UBE2D2: variants seen among roughly 807,000 people sequenced by gnomAD.
UBE2D2 encodes ubiquitin conjugating enzyme E2 D2.
Under a neutral mutation model 24.2 loss-of-function variants are expected in UBE2D2, and 2 were observed. The observed-to-expected ratio is 0.08, with a 90% CI of 0.03 to 0.26. The LOEUF (loss-of-function observed/expected upper bound fraction) is 0.26, where lower values mean the gene tolerates loss of function less well. Ranked by LOEUF, UBE2D2 falls within the 10% of genes least tolerant of loss-of-function variation. UBE2D2 has a pLI of 1.00. For missense variants in UBE2D2, 44 were observed against 177.6 expected (o/e 0.25, Z 4.28); for synonymous variants, 58 against 56.5 (o/e 1.03, Z -0.12).
At chr5:139,603,125 A>C (rs1754118059) in intron 2 of UBE2D2, among the ~76,000 whole-genome samples, 1 of 152,172 alleles carries the variant, frequency 6.6e-6, no homozygotes, top group African/African-American at 2.4e-5. Context: ...CACATACATC[A>C]GTGTACTCTT....
chr5:139,531,625 C>CAAAAA (rs112323447), intron 1 of UBE2D2, among the ~76,000 whole-genome samples: 3 of 97,352 alleles, frequency 3.1e-5, no homozygotes, highest in African/African-American at 1.2e-4. Context: ...AGACCCTATC[C>CAAAAA]AAAAAAAAAA....
chr5:139,548,163 C>CAAAAAAAAAAAA (rs749269739), intron 1 of UBE2D2, among the ~76,000 whole-genome samples: 10 of 32,914 alleles, frequency 3.0e-4, no homozygotes, highest in Non-Finnish European at 4.4e-4. Context: ...GACTCCGTCT[C>CAAAAAAAAAAAA]AAAAAAAAAA....
At chr5:139,626,284 G>A (rs1401658224) in intron 6 of UBE2D2, among the ~76,000 whole-genome samples, 1 of 151,986 alleles carries the variant, frequency 6.6e-6, no homozygotes, top group Non-Finnish European at 1.5e-5. Context: ...TGCCCAGGCT[G>A]GTGTGAAACG....
At chr5:139,541,599 CAA>C (rs892398676) in intron 1 of UBE2D2, among the ~76,000 whole-genome samples, 24 of 58,444 alleles carry the variant, frequency 4.1e-4, no homozygotes, top group Non-Finnish European at 4.5e-4. Flanking sequence ...GACTCCATTT[CAA>C]AAAAAAAAAA....
At chr5:139,553,732 A>G (rs1264690817) in intron 1 of UBE2D2, among the ~76,000 whole-genome samples, 1 of 152,136 alleles carries the variant, frequency 6.6e-6, no homozygotes, top group Non-Finnish European at 1.5e-5. Flanking sequence ...CATATATCCA[A>G]TGTACATACA....
chr5:139,566,774 A>G (rs1182608435), intron 1 of UBE2D2, among the ~76,000 whole-genome samples: 1 of 152,132 alleles, frequency 6.6e-6, no homozygotes, highest in Non-Finnish European at 1.5e-5. Context: ...TAGAAAATGC[A>G]TGTGCTATCA....
At chr5:139,562,206 C>T (rs752543621) in intron 1 of UBE2D2, 3 of 1,377,424 alleles carry the variant, frequency 2.2e-6, no homozygotes, top group Non-Finnish European at 2.9e-6. Context: ...AAGGGCTTCT[C>T]GCCCCATTTC....
chr5:139,553,873 A>G (rs261536), intron 1 of UBE2D2, among the ~76,000 whole-genome samples: 152,194 of 152,210 alleles, frequency 1, 76,089 homozygotes, highest in Middle Eastern at 1. Flanking sequence ...TCTGCCTCCC[A>G]GGTTTAAGCG....
At chr5:139,616,228 G>A (rs1754416992) in intron 5 of UBE2D2, among the ~76,000 whole-genome samples, 2 of 152,012 alleles carry the variant, frequency 1.3e-5, no homozygotes, top group Admixed American at 1.3e-4. Flanking sequence ...GGGAGGCCGA[G>A]GCAGGAGAAT....
intron 1 of UBE2D2, among the ~76,000 whole-genome samples, chr5:139,590,782 CTT>C (rs57962602): frequency 2.9e-4 from 11 of 38,416 alleles, no homozygotes; most frequent in African/African-American, 1.1e-3. Flanking sequence ...TTCTCTTCTT[CTT>C]TTTTTTTTTT....
intron 5 of UBE2D2, among the ~76,000 whole-genome samples, chr5:139,622,821 C>T (rs905906469): frequency 1.3e-5 from 2 of 151,962 alleles, no homozygotes; most frequent in East Asian, 2.0e-4. Context: ...ACCTGAGAGG[C>T]GGAGCTTGCA....
chr5:139,623,517 C>A, intron 6 of UBE2D2, 56 bp downstream of exon 6: 1 of 1,445,286 alleles, frequency 6.9e-7, no homozygotes. Flanking sequence ...ATGTTTGTCA[C>A]AAATCTTTCT....
chr5:139,618,663 C>G (rs1754461537), intron 5 of UBE2D2, among the ~76,000 whole-genome samples: 1 of 152,018 alleles, frequency 6.6e-6, no homozygotes, highest in Non-Finnish European at 1.5e-5. Context: ...TTTGTTCTTC[C>G]CCTTGCCTAG....
chr5:139,539,036 T>C (rs1752722617), intron 1 of UBE2D2, among the ~76,000 whole-genome samples: 1 of 152,104 alleles, frequency 6.6e-6, no homozygotes, highest in Non-Finnish European at 1.5e-5. Flanking sequence ...TCAATCTCTT[T>C]TTTTTTGAGA....
At chr5:139,574,834 G>C (rs905567968) in intron 1 of UBE2D2, among the ~76,000 whole-genome samples, 1 of 151,842 alleles carries the variant, frequency 6.6e-6, no homozygotes, top group Non-Finnish European at 1.5e-5. Flanking sequence ...CAGCTTCCTT[G>C]TCTGTAGAAT....
intron 1 of UBE2D2, among the ~76,000 whole-genome samples, chr5:139,584,667 G>A (rs557845450): frequency 6.7e-6 from 1 of 150,060 alleles, no homozygotes; most frequent in African/African-American, 2.4e-5. Flanking sequence ...CTAGTAGCTG[G>A]GATTACAGGC....
intron 1 of UBE2D2, among the ~76,000 whole-genome samples, chr5:139,568,581 C>T (rs1038540863): frequency 2.6e-5 from 4 of 151,784 alleles, no homozygotes; most frequent in South Asian, 2.1e-4. Flanking sequence ...TGGCGTGAAC[C>T]GGGAGGCAGA....
intron 1 of UBE2D2, among the ~76,000 whole-genome samples, chr5:139,581,857 C>T (rs1315648046): frequency 3.3e-5 from 5 of 152,132 alleles, no homozygotes; most frequent in Middle Eastern, 6.8e-3. Context: ...TTAGTAGAGA[C>T]GGAGTTTCAC....
intron 1 of UBE2D2, among the ~76,000 whole-genome samples, chr5:139,555,831 CAGG>C (rs1752974080): frequency 1.5e-5 from 2 of 130,090 alleles, no homozygotes; most frequent in Non-Finnish European, 3.2e-5. Flanking sequence ...GAGGCTGAGG[CAGG>C]AGAATCGCTT....
Sources: allele counts gnomAD v4.1 joint callset (sites outside exome capture counted in the v4.1 genomes callset), GRCh38; gene constraint gnomAD v4.1.1; transcripts MANE v1.5; gene names NCBI Gene and HGNC (gene_info 2026-07-23, HGNC 2026-07-21).